Variants in SMARCA4 observed in about 807,000 individuals in gnomAD.
SMARCA4 encodes the protein SWI/SNF-related matrix-associated actin-dependent regulator of chromatin subfamily A member 4.
Under a neutral mutation model 193.9 loss-of-function variants are expected in SMARCA4, and 31 were observed. That is an observed-to-expected ratio of 0.16 (90% CI 0.12 to 0.22). SMARCA4 has a LOEUF of 0.22. SMARCA4 is among the 10% of genes least tolerant of loss of function. SMARCA4 has a pLI of 1.00. For synonymous variants in SMARCA4, 942 were observed against 933.1 expected (o/e 1.01, Z -0.17); for missense variants, 1,148 against 2,296.0 (o/e 0.50, Z 10.22).
At chr19:10,968,093 C>T (rs574075075) in intron 1 of SMARCA4, among the ~76,000 whole-genome samples, 7 of 152,112 alleles carry the variant, frequency 4.6e-5, no homozygotes, top group African/African-American at 1.4e-4. Flanking sequence ...CCTCATGATC[C>T]GCCCGCCTCA....
At chr19:10,995,464 C>T (rs966688329) in intron 9 of SMARCA4, 21 of 457,618 alleles carry the variant, frequency 4.6e-5, no homozygotes, top group African/African-American at 2.2e-4. Context: ...GGCAGATACG[C>T]GAATGAAGCA....
rs2145754888 is a variant in SMARCA4 at position 10,985,447 on chromosome 19, C to T, written c.355+42C>T. On this transcript the variant is annotated intron_variant, in intron 3 of 34. Transcript: ENST00000344626. The surrounding 1 kb of genome is among the most constrained non-coding windows in gnomAD (Gnocchi z 4.5). ...CTTCCTGCCTTGTGTTTGTCATACT[C>T]CAGAGTCCTCAGATCATTTTCCTCC... The T allele has an allele frequency of 3.1e-6, 5 of 1,608,842 alleles. No individual in the cohort carries two copies. Among genetic ancestry groups the T allele is most frequent in the Non-Finnish European group, 4.2e-6 (5 of 1,177,770 alleles).
intron 30 of SMARCA4, among the ~76,000 whole-genome samples, chr19:11,044,680 A>C (rs950095840): frequency 6.6e-6 from 1 of 152,200 alleles, no homozygotes; most frequent in Admixed American, 6.5e-5. Context: ...GTGTAGGAGT[A>C]TGCAGCTCTT....
At position 10,987,081 on chromosome 19, in the gene SMARCA4, T is replaced by C; in HGVS notation, c.859+78T>C. 1 of 1,100,034 alleles carries C rather than the reference T, an allele frequency of 9.1e-7. No homozygotes were observed. The highest frequency in any genetic ancestry group is 1.4e-6 in the Non-Finnish European group (1 of 735,148). 68.1% of individuals were successfully genotyped at this position (1,100,034 alleles called of 1,614,324 possible). On this transcript the variant is annotated intron_variant, in intron 5 of 34. Coordinates refer to ENST00000344626, the MANE Select transcript of SMARCA4 (RefSeq NM_003072.5). This position sits in a 1 kb window ranked among gnomAD's most constrained non-coding sequence, Gnocchi z 5.3. The stretch of plus-strand genomic sequence containing the variant: ...GCTTGGGTCCTTGAGATGAGCTTTG[T>C]CAGGGAGAAAGGGCCGAGGGTGGTC...
Position 11,010,486 on chromosome 19 carries a change from C to T in SMARCA4, c.2229C>T (p.Asp743=), listed in dbSNP as rs1233181843. The change falls in exon 15 of 35, where the codon GAC becomes GAT. Residue 743 remains aspartate (D), a synonymous_variant. Transcript: ENST00000344626. Reference sequence around the variant, plus strand: ...CCCATGCTGTCACTGAGAGAGTGGACAAGCAGTCAGCGCTTATGGTCAATG... The same window carrying T: ...CCCATGCTGTCACTGAGAGAGTGGATAAGCAGTCAGCGCTTATGGTCAATG... ...AVAHAVTERV[D]KQSALMVNGV... 6 of 1,613,940 alleles carry T rather than the reference C, an allele frequency of 3.7e-6. No homozygotes were observed. Among genetic ancestry groups the T allele is most frequent in the South Asian group, 1.1e-5 (1 of 91,080 alleles).
Position 11,033,194 on chromosome 19 carries a change from C to CA in SMARCA4, c.3547-95dup. ...GGCAGAATTGTCAGGCCGAGGGTGG[C>CA]ACGCACAGCACACCTCTCCAGCTAG... is the stretch of plus-strand genomic sequence containing the variant. On this transcript the variant is annotated intron_variant, in intron 25 of 34. Coordinates refer to ENST00000344626, the MANE Select transcript of SMARCA4 (RefSeq NM_003072.5). The surrounding 1 kb of genome is among the most constrained non-coding windows in gnomAD (Gnocchi z 9.8). 2.1e-6 allele frequency: 2 copies of CA among 934,996 alleles called. No homozygotes were observed. Among genetic ancestry groups the CA allele is most frequent in the South Asian group, 2.6e-5 (2 of 76,234 alleles). The allele number at this position is 934,996 out of a possible 1,614,324, so 57.9% of individuals were successfully genotyped here. A position where few individuals can be genotyped will look rare whatever the true frequency, so the allele number is the denominator to read the frequency against.
chr19:10,979,384 C>T (rs917378614), intron 1 of SMARCA4, among the ~76,000 whole-genome samples: 1 of 149,870 alleles, frequency 6.7e-6, no homozygotes, highest in African/African-American at 2.4e-5. Flanking sequence ...GGATGACTCT[C>T]CCAGACATGG....
rs2075452756 is a variant in SMARCA4 at position 11,039,500 on chromosome 19, G to T, written c.4171-1807G>T. On this transcript the variant is annotated intron_variant, in intron 29 of 34. Transcript: ENST00000344626. The stretch of plus-strand genomic sequence containing the variant: ...TATCCATGACACAGCCAGCAGTGTG[G>T]CACGTGGGCTACAATTCCAGCGTGG... 2 of 1,601,514 alleles carry T rather than the reference G, an allele frequency of 1.2e-6. No homozygotes were observed. Among genetic ancestry groups the T allele is most frequent in the Non-Finnish European group, 1.7e-6 (2 of 1,175,688 alleles).
At position 11,034,947 on chromosome 19, in the gene SMARCA4, C is replaced by T. The variant is rs878854219; in HGVS notation, c.3985C>T (p.Arg1329Cys). 2 of 1,587,918 alleles carry T rather than the reference C, an allele frequency of 1.3e-6. No individual in the cohort carries two copies. Among genetic ancestry groups the T allele is most frequent in the East Asian group, 2.3e-5 (1 of 43,552 alleles). ...CCTGGACCGCAGGCGCGAGGAGGCC[C>T]GCAACCCCAAGCGGAAGCCGCGCCT... is the stretch of plus-strand genomic sequence containing the variant. Reference protein sequence around the residue: ...MDLDRRREEARNPKRKPRLME... With the variant: ...MDLDRRREEACNPKRKPRLME... Residue 1329 changes from arginine (R) to cysteine (C), a missense_variant, in exon 29 of 35, where the codon CGC (arginine) becomes TGC (cysteine). This residue lies in a region of SMARCA4 where 84 missense variants were observed against 202.2 expected (regional missense o/e 0.42). Coordinates refer to ENST00000344626, the MANE Select transcript of SMARCA4 (RefSeq NM_003072.5). This position sits in a 1 kb window ranked among gnomAD's most constrained non-coding sequence, Gnocchi z 7.0.
At chr19:10,992,582 A>C (rs1269531073) in intron 8 of SMARCA4, among the ~76,000 whole-genome samples, 1 of 150,420 alleles carries the variant, frequency 6.6e-6, no homozygotes, top group Non-Finnish European at 1.5e-5. Context: ...GCGCCGCCAC[A>C]CCTGTTTGTT....
Position 10,986,339 on chromosome 19 carries a change from C to A in SMARCA4, c.506C>A (p.Pro169Gln), listed in dbSNP as rs2145776403. ...GCCTTGGGGCAGCAGAACCGGGGCC[C>A]AACCCCATTTAACCAGAACCAGCTG... is the stretch of plus-strand genomic sequence containing the variant. ...PQALGQQNRG[P>Q]TPFNQNQLHQ... The change falls in exon 4 of 35, where the codon CCA (proline) becomes CAA (glutamine). Residue 169 changes from proline (P) to glutamine (Q), a missense_variant. Coordinates refer to ENST00000344626, the MANE Select transcript of SMARCA4 (RefSeq NM_003072.5). The surrounding 1 kb of genome is among the most constrained non-coding windows in gnomAD (Gnocchi z 6.7). 6.2e-7 allele frequency: 1 copy of A among 1,613,186 alleles called. No individual in the cohort carries two copies. Among genetic ancestry groups the A allele is most frequent in the South Asian group, 1.1e-5 (1 of 91,014 alleles).
At position 10,985,096 on chromosome 19, in the gene SMARCA4, C is replaced by T. The variant is rs149701863; in HGVS notation, c.223-177C>T. Among the ~76,000 whole-genome samples, 11 of 152,074 alleles carry T rather than the reference C, an allele frequency of 7.2e-5. No homozygotes were observed. The East Asian group carries it at 2.1e-3, about 29-fold the overall frequency. On this transcript the variant is annotated intron_variant, in intron 2 of 34. Coordinates refer to ENST00000344626, the MANE Select transcript of SMARCA4 (RefSeq NM_003072.5). The surrounding 1 kb of genome is among the most constrained non-coding windows in gnomAD (Gnocchi z 4.5). ...CGACATTTATTTTGTGTACCTGTCT[C>T]GAGGCCTAAGTAGGTGTCAGAACCT...
At chr19:11,039,173 G>A (rs1455447860) in intron 29 of SMARCA4, among the ~76,000 whole-genome samples, 1 of 152,162 alleles carries the variant, frequency 6.6e-6, no homozygotes, top group African/African-American at 2.4e-5. Flanking sequence ...GGCCAACATG[G>A]CAAAAACCCG....
At chr19:10,973,710 C>G (rs574107360) in intron 1 of SMARCA4, among the ~76,000 whole-genome samples, 1 of 152,052 alleles carries the variant, frequency 6.6e-6, no homozygotes, top group Non-Finnish European at 1.5e-5. Flanking sequence ...GCTGGGACTA[C>G]AGGCGCCTGC....
chr19:11,022,047 T>C (rs890886608), intron 19 of SMARCA4, 80 bp downstream of exon 19: 13 of 1,593,936 alleles, frequency 8.2e-6, no homozygotes, highest in Non-Finnish European at 1.1e-5. Context: ...GAGCACCAGC[T>C]ACAGCTGGCT....
At position 11,039,474 on chromosome 19, in the gene SMARCA4, A is replaced by T. The variant is rs186823009; in HGVS notation, c.4171-1833A>T. ...TTGTTGTAGAAAATTACAGGAAAAG[A>T]TATCCATGACACAGCCAGCAGTGTG... On this transcript the variant is annotated intron_variant, in intron 29 of 34. Transcript: ENST00000344626. The T allele has an allele frequency of 6.4e-5, 102 of 1,598,466 alleles. 4 individuals are homozygous for T. In the Middle Eastern group the frequency reaches 8.3e-4, roughly 13 times the overall value.
chr19:11,057,113 G>A (rs146558442), intron 30 of SMARCA4, among the ~76,000 whole-genome samples: 83 of 152,318 alleles, frequency 5.4e-4, no homozygotes, highest in Non-Finnish European at 7.5e-4. Flanking sequence ...TTTAGGCTTC[G>A]TCCGCCTGGT....
Position 11,037,478 on chromosome 19 carries a change from C to T in SMARCA4, c.4170+2346C>T, listed in dbSNP as rs373327493. 1.8e-3 allele frequency among the ~76,000 whole-genome samples: 268 copies of T among 152,304 alleles called. 2 individuals carry two copies. The highest frequency in any genetic ancestry group is 5.6e-3 in the African/African-American group (234 of 41,554). ...TCCTCTAGAAAGAGATGTCTAGTCACATCATCCTTTACCCAAATTTAAAAT... is the reference window on the plus strand; with the variant it reads ...TCCTCTAGAAAGAGATGTCTAGTCATATCATCCTTTACCCAAATTTAAAAT... On this transcript the variant is annotated intron_variant, in intron 29 of 34. Coordinates refer to ENST00000344626, the MANE Select transcript of SMARCA4 (RefSeq NM_003072.5).
rs2075138368 is a variant in SMARCA4 at position 11,034,454 on chromosome 19, C to G, written c.3951+254C>G. ...AGACCTGCCCCACCAGCTCTGTTTT[C>G]TAACGGGCTCTCCAGGGCTTCATGC... is the stretch of plus-strand genomic sequence containing the variant. On this transcript the variant is annotated intron_variant, in intron 28 of 34. Coordinates refer to ENST00000344626, the MANE Select transcript of SMARCA4 (RefSeq NM_003072.5). The surrounding 1 kb of genome is among the most constrained non-coding windows in gnomAD (Gnocchi z 7.0). Among the ~76,000 whole-genome samples, 1 of 152,208 alleles carries G rather than the reference C, an allele frequency of 6.6e-6. No homozygotes were observed. The highest frequency in any genetic ancestry group is 2.4e-5 in the African/African-American group (1 of 41,464).
Sources: gnomAD v4.1 joint callset for allele counts (sites outside exome capture counted in the v4.1 genomes callset) on GRCh38, gnomAD v4.1.1 for gene constraint, gnomAD v4.1.1 regional missense constraint, Gnocchi (gnomAD v3.1) non-coding constraint, MANE v1.5 for transcripts, NCBI Gene and HGNC (gene_info 2026-07-23, HGNC 2026-07-21) for gene names.